Variants in PAM observed in about 807,000 individuals in gnomAD.
The protein encoded by PAM is peptidylglycine alpha-amidating monooxygenase.
A neutral mutation model predicts 122.1 loss-of-function variants in PAM; 72 were observed. That is an observed-to-expected ratio of 0.59 (90% CI 0.49 to 0.72). PAM has a LOEUF of 0.72. Among genes scored for constraint, PAM ranks in the 30% least tolerant of loss-of-function variants. The probability of loss-of-function intolerance (pLI) is 0.00; values close to 1 mark genes in which losing one functional copy is unlikely to be tolerated. For synonymous variants in PAM, 389 were observed against 404.4 expected (o/e 0.96, Z 0.46); for missense variants, 1,106 against 1,183.7 (o/e 0.93, Z 0.96).
intron 16 of PAM, among the ~76,000 whole-genome samples, chr5:102,995,122 A>G (rs1329170220): frequency 1.3e-5 from 2 of 152,136 alleles, no homozygotes; most frequent in Non-Finnish European, 2.9e-5. Flanking sequence ...CAGTTAAGAT[A>G]TCTGCCTGGG....
intron 1 of PAM, among the ~76,000 whole-genome samples, chr5:102,828,462 A>G (rs940493112): frequency 1.3e-5 from 2 of 152,128 alleles, no homozygotes; most frequent in South Asian, 4.1e-4. Context: ...TGTCTGTGCT[A>G]TAGGGACCAT....
chr5:102,880,125 A>T (rs544491154), intron 3 of PAM, among the ~76,000 whole-genome samples: 10 of 152,184 alleles, frequency 6.6e-5, no homozygotes, highest in African/African-American at 2.4e-4. Context: ...TACAAAAAAT[A>T]AAAAAATTAG....
intron 14 of PAM, among the ~76,000 whole-genome samples, chr5:102,968,222 G>C (rs1764702339): frequency 6.6e-6 from 1 of 152,130 alleles, no homozygotes; most frequent in African/African-American, 2.4e-5. Context: ...GTTTTTTATA[G>C]TAAGATTGAT....
At chr5:102,904,700 CT>C (rs1799007205) in intron 4 of PAM, among the ~76,000 whole-genome samples, 1 of 151,652 alleles carries the variant, frequency 6.6e-6, no homozygotes, top group South Asian at 2.1e-4. Context: ...ATAAAAAGGA[CT>C]TTCTCCTTGA....
chr5:102,805,464 G>A (rs1328029778), intron 1 of PAM, among the ~76,000 whole-genome samples: 1 of 152,138 alleles, frequency 6.6e-6, no homozygotes, highest in Non-Finnish European at 1.5e-5. Context: ...TGGGAAAGAA[G>A]TGTTTTTTTC....
At chr5:102,842,887 CAAT>C (rs1778995523) in intron 1 of PAM, among the ~76,000 whole-genome samples, 2 of 152,172 alleles carry the variant, frequency 1.3e-5, no homozygotes, top group Admixed American at 1.3e-4. Context: ...ATATATACAA[CAAT>C]GTTAGGATTT....
chr5:102,819,292 GAAC>G (rs1259266500), intron 1 of PAM, among the ~76,000 whole-genome samples: 1 of 152,052 alleles, frequency 6.6e-6, no homozygotes, highest in Non-Finnish European at 1.5e-5. Flanking sequence ...AAACAAAATA[GAAC>G]AACAACAATG....
chr5:102,758,286 G>A (rs1751230678), intron 1 of PAM, among the ~76,000 whole-genome samples: 1 of 151,812 alleles, frequency 6.6e-6, no homozygotes, highest in Non-Finnish European at 1.5e-5. Context: ...ACTGGGCTTT[G>A]AGGCTTTGAT....
chr5:102,761,140 A>T (rs1752232478), intron 1 of PAM, among the ~76,000 whole-genome samples: 1 of 152,222 alleles, frequency 6.6e-6, no homozygotes, highest in South Asian at 2.1e-4. Context: ...CACAGAAAGG[A>T]TGGAGGACAG....
In PAM at chr5:102,931,802, A is replaced by AAC. The variant is rs201301707; in HGVS notation, c.526+5139_526+5140dup. On this transcript the variant is annotated intron_variant, in intron 7 of 25. Transcript: ENST00000438793. ...CTAGCAGATATTATTAACAACAAACAACACACTCTCTCTCTCTCTCTCTCT... is the reference window on the plus strand; with the variant it reads ...CTAGCAGATATTATTAACAACAAACAACACACACTCTCTCTCTCTCTCTCTCT... 7.0e-5 allele frequency among the ~76,000 whole-genome samples: 10 copies of AAC among 142,564 alleles called. 1 individual carries two copies. The highest frequency in any genetic ancestry group is 2.8e-4 in the Admixed American group (4 of 14,254). The allele number at this position is 142,564 out of a possible 152,430, so 93.5% of individuals were successfully genotyped here.
At position 102,915,438 on chromosome 5, in the gene PAM, C is replaced by A. The variant is rs1348504864; in HGVS notation, c.356+1417C>A. On this transcript the variant is annotated intron_variant, in intron 5 of 25. Transcript: ENST00000438793. ...ATGAAAGGAACATATCACATAGGAACCCAACCTATGTGACTGGGTTTATGT... is the reference window on the plus strand; with the variant it reads ...ATGAAAGGAACATATCACATAGGAAACCAACCTATGTGACTGGGTTTATGT... Among the ~76,000 whole-genome samples, 4 of 152,078 alleles carry A rather than the reference C, an allele frequency of 2.6e-5. No individual in the cohort carries two copies. The East Asian group carries it at 7.7e-4, about 29-fold the overall frequency.
intron 1 of PAM, among the ~76,000 whole-genome samples, chr5:102,772,234 C>T (rs1281023987): frequency 6.6e-6 from 1 of 152,066 alleles, no homozygotes; most frequent in East Asian, 1.9e-4. Flanking sequence ...TGTTGGATAT[C>T]ATTATTATTG....
At chr5:102,927,492 T>C (rs1352092013) in intron 7 of PAM, among the ~76,000 whole-genome samples, 1 of 152,182 alleles carries the variant, frequency 6.6e-6, no homozygotes, top group Non-Finnish European at 1.5e-5. Context: ...TATTTCTAAG[T>C]AACCTGATAT....
At chr5:102,996,946 T>C (rs1775873377) in intron 16 of PAM, among the ~76,000 whole-genome samples, 1 of 152,178 alleles carries the variant, frequency 6.6e-6, no homozygotes, top group African/African-American at 2.4e-5. Context: ...CATTTTTTAC[T>C]TTGTTTTTGA....
chr5:102,998,516 A>G (rs1315615651), intron 16 of PAM, among the ~76,000 whole-genome samples: 1 of 152,232 alleles, frequency 6.6e-6, no homozygotes, highest in Admixed American at 6.5e-5. Flanking sequence ...GGAATTATGA[A>G]TCAGTAACTT....
At chr5:102,822,989 A>G (rs554360249) in intron 1 of PAM, among the ~76,000 whole-genome samples, 1 of 152,324 alleles carries the variant, frequency 6.6e-6, no homozygotes, top group South Asian at 2.1e-4. Context: ...CAAGAAACAA[A>G]GTAAGGACAA....
intron 1 of PAM, among the ~76,000 whole-genome samples, chr5:102,785,606 T>A (rs1760302326): frequency 6.6e-6 from 1 of 152,190 alleles, no homozygotes; most frequent in Non-Finnish European, 1.5e-5. Flanking sequence ...ACTGATTGGC[T>A]TGAAGAGGTT....
intron 1 of PAM, among the ~76,000 whole-genome samples, chr5:102,836,859 CGAGAGAGAGAGAGA>C (rs57617414): frequency 1.8e-4 from 22 of 120,828 alleles, no homozygotes; most frequent in Middle Eastern, 4.3e-3. Context: ...AGAAAGAAAC[CGAGAGAGAGAGAGA>C]GAGAGAGAGA....
intron 1 of PAM, among the ~76,000 whole-genome samples, chr5:102,785,842 T>G (rs755356528): frequency 1.3e-4 from 20 of 151,696 alleles, no homozygotes; most frequent in Non-Finnish European, 2.5e-4. Context: ...GTGTTGGAAG[T>G]TCTCACCATT....
Sources: allele counts gnomAD v4.1 joint callset (sites outside exome capture counted in the v4.1 genomes callset), GRCh38; gene constraint gnomAD v4.1.1; transcripts MANE v1.5; gene names NCBI Gene and HGNC (gene_info 2026-07-23, HGNC 2026-07-21).